CMSS1: variants seen among roughly 807,000 people sequenced by gnomAD.
CMSS1 encodes the protein cms1 ribosomal small subunit homolog.
A neutral mutation model predicts 43.5 loss-of-function variants in CMSS1; 33 were observed. The ratio of observed to expected loss-of-function variants is 0.76; its 90% CI spans 0.57 to 1.01. CMSS1 has a LOEUF of 1.01. CMSS1 is among the 50% of genes least tolerant of loss of function. The pLI is 0.00. For synonymous variants in CMSS1, 115 were observed against 117.2 expected, an observed-to-expected ratio of 0.98 and a Z score of 0.12; for missense variants, 313 against 326.4, an observed-to-expected ratio of 0.96 and a Z score of 0.32.
chr3:100,040,877 G>A (rs2107290121), intron 1 of CMSS1: 1 of 152,250 alleles, frequency 6.6e-6, no homozygotes, highest in South Asian at 2.1e-4. Context: ...CTTGAGCCTG[G>A]ATTATGCATT....
At chr3:100,174,522 G>T (rs1024272404) in intron 8 of CMSS1, among the ~76,000 whole-genome samples, 1 of 151,970 alleles carries the variant, frequency 6.6e-6, no homozygotes, top group Non-Finnish European at 1.5e-5. Context: ...TTTAAAGGGC[G>T]ATTTTTAAAA....
At chr3:100,113,766 C>T (rs1208103851) in intron 1 of CMSS1, among the ~76,000 whole-genome samples, 1 of 152,164 alleles carries the variant, frequency 6.6e-6, no homozygotes, top group East Asian at 1.9e-4. Flanking sequence ...ATCCATCTTA[C>T]TCTTAACAGG....
At chr3:100,136,491 A>G (rs1276051783) in intron 1 of CMSS1, among the ~76,000 whole-genome samples, 1 of 152,184 alleles carries the variant, frequency 6.6e-6, no homozygotes, top group African/African-American at 2.4e-5. Flanking sequence ...GGGCATGTCA[A>G]GCCTGTCTTG....
chr3:100,060,783 G>A (rs780950146), intron 1 of CMSS1, among the ~76,000 whole-genome samples: 1 of 152,120 alleles, frequency 6.6e-6, no homozygotes, highest in African/African-American at 2.4e-5. Context: ...GATAACGAGC[G>A]TGGGAGGCGG....
chr3:99,960,909 CA>C (rs968442142), intron 1 of CMSS1, among the ~76,000 whole-genome samples: 1 of 152,102 alleles, frequency 6.6e-6, no homozygotes, highest in African/African-American at 2.4e-5. Flanking sequence ...GGCAGACCAA[CA>C]AAGTGAAATG....
intron 1 of CMSS1, among the ~76,000 whole-genome samples, chr3:100,053,826 GA>G (rs1195446381): frequency 6.6e-6 from 1 of 152,176 alleles, no homozygotes; most frequent in Non-Finnish European, 1.5e-5. Context: ...AACACATGCT[GA>G]GTCTGTATTA....
At position 100,171,897 on chromosome 3, in the gene CMSS1, A is replaced by G. The variant is rs765337977; in HGVS notation, c.577A>G (p.Lys193Glu). 5 of 1,613,104 alleles carry G rather than the reference A, an allele frequency of 3.1e-6. 1 individual carries two copies. The South Asian group carries it at 4.4e-5, about 14-fold the overall frequency. ...KVIKLFAKHI[K>E]VQAQVKLLEK... ...TATAAAATTATTTGCAAAGCACATA[A>G]AGGTAAGCAAGGGCCTGTGTGATCC... is the stretch of plus-strand genomic sequence containing the variant. The change falls in exon 7 of 10, where the codon AAG becomes GAG. Residue 193 changes from lysine to glutamate, a missense_variant and splice_region_variant. Transcript: ENST00000421999.
chr3:100,016,859 C>CT (rs1710358084), intron 1 of CMSS1, among the ~76,000 whole-genome samples: 1 of 152,156 alleles, frequency 6.6e-6, no homozygotes, highest in Non-Finnish European at 1.5e-5. Context: ...ACATCTTAGT[C>CT]TATGTTATCT....
chr3:99,986,689 A>G (rs912825328), intron 1 of CMSS1, among the ~76,000 whole-genome samples: 2 of 152,274 alleles, frequency 1.3e-5, no homozygotes, highest in Non-Finnish European at 2.9e-5. Flanking sequence ...CTCAAGTAGA[A>G]GGAGGAGAAT....
intron 1 of CMSS1, among the ~76,000 whole-genome samples, chr3:99,939,661 G>T (rs942537650): frequency 2.6e-5 from 4 of 152,150 alleles, no homozygotes; most frequent in African/African-American, 9.7e-5. Context: ...TTTAAGTATG[G>T]ATCCAAAAAT....
rs1262553981 is a variant in CMSS1, at chr3:100,162,365, G to GA, written c.290dup (p.Leu98AlafsTer7). 2 of 1,613,656 alleles carry GA rather than the reference G, an allele frequency of 1.2e-6. No homozygotes were observed. The highest frequency in any genetic ancestry group is 1.7e-4 in the Middle Eastern group (1 of 6,060). ...AACCAGGGTTACCTGAAGACCTACA[G>GA]AAGCTGATGAAGGACTATTATAGCA... On this transcript the variant is annotated frameshift_variant, in exon 4 of 10. Coordinates refer to ENST00000421999, the MANE Select transcript of CMSS1 (RefSeq NM_032359.4). LOFTEE classifies it high-confidence loss of function.
chr3:100,003,230 C>G (rs182018561), intron 1 of CMSS1, among the ~76,000 whole-genome samples: 1 of 152,108 alleles, frequency 6.6e-6, no homozygotes, highest in African/African-American at 2.4e-5. Flanking sequence ...TACCAATGAC[C>G]ATGTGGAGAA....
chr3:100,150,563 G>A (rs1319493634), intron 2 of CMSS1, among the ~76,000 whole-genome samples: 3 of 152,120 alleles, frequency 2.0e-5, no homozygotes, highest in Non-Finnish European at 2.9e-5. Context: ...CATTTCTGTC[G>A]CTGAATACAT....
rs143219669 is a variant in CMSS1, at chr3:100,167,814, G to A, written c.492G>A (p.Ser164=). 4.2e-5 allele frequency: 68 copies of A among 1,612,908 alleles called. No homozygotes were observed. The African/African-American group carries it at 5.2e-4, about 12-fold the overall frequency. The change falls in exon 6 of 10, where the codon TCG becomes TCA. Residue 164 remains serine, a synonymous_variant. Coordinates refer to ENST00000421999, the MANE Select transcript of CMSS1 (RefSeq NM_032359.4). ...KSVLMLIICS[S]AVRALELIRS... is the part of the protein sequence containing the mutation. The stretch of plus-strand genomic sequence containing the variant: ...TCCTGATGCTGATCATCTGCAGCTC[G>A]GCCGTCCGAGCCCTGGAGCTCATTA...
intron 1 of CMSS1, among the ~76,000 whole-genome samples, chr3:99,843,086 G>A (rs1398345391): frequency 6.6e-6 from 1 of 152,204 alleles, no homozygotes; most frequent in Non-Finnish European, 1.5e-5. Flanking sequence ...GAGAACCTTA[G>A]TAAACTACTT....
At chr3:99,848,165 C>G (rs1576507408) in intron 1 of CMSS1, 2 of 1,531,722 alleles carry the variant, frequency 1.3e-6, no homozygotes, top group East Asian at 4.5e-5. Flanking sequence ...ATGCACAAAC[C>G]TTCCCAAAGT....
At chr3:99,909,358 T>G (rs1041718139) in intron 1 of CMSS1, among the ~76,000 whole-genome samples, 6 of 152,214 alleles carry the variant, frequency 3.9e-5, no homozygotes, top group Admixed American at 3.9e-4. Flanking sequence ...CTTGTGTATG[T>G]TTCATATATA....
At chr3:99,964,000 G>A (rs1708570860) in intron 1 of CMSS1, among the ~76,000 whole-genome samples, 1 of 152,028 alleles carries the variant, frequency 6.6e-6, no homozygotes, top group South Asian at 2.1e-4. Context: ...GTACAACCAA[G>A]GTGAAGCTGA....
At chr3:99,983,375 A>AAAATAAATAAAT (rs201845792) in intron 1 of CMSS1, among the ~76,000 whole-genome samples, 13 of 51,282 alleles carry the variant, frequency 2.5e-4, no homozygotes, top group African/African-American at 8.5e-4. Flanking sequence ...CTCTACTTAA[A>AAAATAAATAAAT]AAATAAATAA....
Sources: allele counts gnomAD v4.1 joint callset (sites outside exome capture counted in the v4.1 genomes callset), GRCh38; gene constraint gnomAD v4.1.1; transcripts MANE v1.5; gene names NCBI Gene and HGNC (gene_info 2026-07-23, HGNC 2026-07-21).